The following UVSSA variants were observed in gnomAD, a reference collection of about 807,000 sequenced individuals.
UVSSA encodes UV-stimulated scaffold protein A.
A neutral mutation model predicts 73.9 loss-of-function variants in UVSSA; 72 were observed. That is an observed-to-expected ratio of 0.97 (90% CI 0.81 to 1.19). The LOEUF (loss-of-function observed/expected upper bound fraction) is 1.19. Among genes scored for constraint, UVSSA ranks in the 50% most tolerant of loss-of-function variants. UVSSA has a pLI of 0.00. For missense variants in UVSSA, 1,150 were observed against 965.0 expected, an observed-to-expected ratio of 1.19 and a Z score of -2.54; for synonymous variants, 454 against 391.3, an observed-to-expected ratio of 1.16 and a Z score of -1.89.
At chr4:1,395,262 C>T in exon 14 of UVSSA, 1 of 1,518,352 alleles carries the variant, frequency 6.6e-7, no homozygotes, top group Non-Finnish European at 8.8e-7. Context: ...GAGTGCCCGC[C>T]TGCTCACGTG....
Position 1,387,070 on chromosome 4 carries a change from AC to A in UVSSA, c.*1110del, listed in dbSNP as rs908134314. On this transcript the variant is annotated 3_prime_UTR_variant, in exon 14 of 14. Transcript: ENST00000389851. ...CTAGATCCTCATGTGATTTGCAAAA[AC>A]TTTATTTATTTATTTATTTATTTTT... 1 of 150,688 alleles carries A rather than the reference AC, an allele frequency of 6.6e-6. No individual in the cohort carries two copies. Among genetic ancestry groups the A allele is most frequent in the African/African-American group, 2.4e-5 (1 of 40,864 alleles). 9.3% of individuals were successfully genotyped at this position (150,688 alleles called of 1,614,324 possible). A position where few individuals can be genotyped will look rare whatever the true frequency, so the allele number is the denominator to read the frequency against.
chr4:1,372,789 G>T (rs1311668496), intron 8 of UVSSA, among the ~76,000 whole-genome samples: 42 of 61,816 alleles, frequency 6.8e-4, no homozygotes, highest in Middle Eastern at 7.7e-3. Context: ...CACCTCCCGC[G>T]TCCCTGCACT....
At chr4:1,356,530 A>G (rs1423433667) in intron 7 of UVSSA, 1 of 152,234 alleles carries the variant, frequency 6.6e-6, no homozygotes, top group African/African-American at 2.4e-5. Context: ...ACAAGGAAAT[A>G]CTTCTGTGAG....
downstream of UVSSA, chr4:1,388,086 A>T (rs1455142620): frequency 6.6e-6 from 1 of 152,100 alleles, no homozygotes; most frequent in Non-Finnish European, 1.5e-5. Flanking sequence ...GGGTCTTTTT[A>T]AATTTATTTC....
intron 10 of UVSSA, among the ~76,000 whole-genome samples, chr4:1,379,002 G>A (rs1166488672): frequency 6.6e-6 from 1 of 151,380 alleles, no homozygotes; most frequent in Non-Finnish European, 1.5e-5. Flanking sequence ...CCAGGGCAGG[G>A]CCTACTGCTG....
At position 1,353,346 on chromosome 4, in the gene UVSSA, CGAG is replaced by C. The variant is rs1560429631; in HGVS notation, c.871_873del (p.Glu291del). On this transcript the variant is annotated inframe_deletion, in exon 5 of 14. Coordinates refer to ENST00000389851, the MANE Select transcript of UVSSA (RefSeq NM_020894.4). The stretch of plus-strand genomic sequence containing the variant: ...CAGATGAGGACGAGGACAGCGACCT[CGAG>C]GAGTTTGTGCGGAGCCACGGGCTGG... The C allele has an allele frequency of 1.9e-6, 3 of 1,610,448 alleles. No homozygotes were observed. The highest frequency in any genetic ancestry group is 2.2e-5 in the East Asian group (1 of 44,790).
intron 8 of UVSSA, among the ~76,000 whole-genome samples, chr4:1,370,451 G>C (rs568315237): frequency 5.3e-5 from 8 of 152,372 alleles, no homozygotes; most frequent in African/African-American, 1.7e-4. Context: ...CCCATCACCT[G>C]CTCTGTGTGG....
intron 8 of UVSSA, among the ~76,000 whole-genome samples, chr4:1,372,955 T>G (rs953798417): frequency 1.3e-5 from 2 of 151,110 alleles, no homozygotes; most frequent in Non-Finnish European, 2.9e-5. Context: ...CTGGCTTTTC[T>G]TTGTGACTAC....
At position 1,355,205 on chromosome 4, in the gene UVSSA, A is replaced by G; in HGVS notation, c.1136A>G (p.Lys379Arg). 6.2e-7 allele frequency: 1 copy of G among 1,613,126 alleles called. No individual in the cohort carries two copies. Among genetic ancestry groups the G allele is most frequent in the Admixed American group, 1.7e-5 (1 of 59,950 alleles). The change falls in exon 7 of 14, where the codon AAG (lysine) becomes AGG (arginine). Residue 379 changes from lysine (K) to arginine (R), a missense_variant. Lys to Arg is a conservative substitution (Grantham distance 26, BLOSUM62 2). Coordinates refer to ENST00000389851, the MANE Select transcript of UVSSA (RefSeq NM_020894.4). ...TTGGAGCTCGTACTGAGAAAATACA[A>G]GGAGCTGGACATCGAGCCTGAGGGA... ...AELELVLRKYKELDIEPEGGE... is the reference protein window; with the variant it reads ...AELELVLRKYRELDIEPEGGE...
chr4:1,383,902 T>TA lies in UVSSA; in HGVS notation c.1999dup (p.Thr667AsnfsTer39), dbSNP rs1719800144. On this transcript the variant is annotated frameshift_variant, in exon 13 of 14. Transcript: ENST00000389851. LOFTEE classifies it high-confidence loss of function. ...TCACCAACCTGAAGGCTCAGGCTGA[T>TA]ACCGCCCGCGCTCGCATTGGGAGAA... 1 of 1,613,200 alleles carries TA rather than the reference T, an allele frequency of 6.2e-7. No individual in the cohort carries two copies.
chr4:1,350,890 A>C (rs1246972169), intron 3 of UVSSA, among the ~76,000 whole-genome samples: 1 of 151,798 alleles, frequency 6.6e-6, no homozygotes, highest in African/African-American at 2.4e-5. Flanking sequence ...AGATAGCTCT[A>C]GTTTTTGTTG....
rs750601721 is a variant in UVSSA, at chr4:1,348,095, G to T, written c.4G>T (p.Asp2Tyr). The change falls in exon 2 of 14, where the codon GAT (aspartate) becomes TAT (tyrosine). Residue 2 changes from aspartate (D) to tyrosine (Y), a missense_variant. Asp to Tyr is a radical substitution (Grantham distance 160). Coordinates refer to ENST00000389851, the MANE Select transcript of UVSSA (RefSeq NM_020894.4). ...TCTGCCTTACTTATTTCTAGATATG[G>T]ATCAGAAACTTTCGAAGTTGGTAGA... M[D>Y]QKLSKLVEEL... 2 of 1,612,438 alleles carry T rather than the reference G, an allele frequency of 1.2e-6. No homozygotes were observed. Among genetic ancestry groups the T allele is most frequent in the Non-Finnish European group, 1.7e-6 (2 of 1,178,796 alleles).
chr4:1,378,656 G>A (rs933443745), intron 10 of UVSSA, among the ~76,000 whole-genome samples: 4 of 152,180 alleles, frequency 2.6e-5, no homozygotes, highest in South Asian at 2.1e-4. Context: ...GCTGTGCGCC[G>A]GCTCCTGAGT....
chr4:1,368,336 C>T (rs1334218946), intron 8 of UVSSA, among the ~76,000 whole-genome samples: 4 of 152,236 alleles, frequency 2.6e-5, no homozygotes, highest in Admixed American at 6.5e-5. Flanking sequence ...AGCAGAAATC[C>T]ACACTTTCCC....
intron 5 of UVSSA, 51 bp downstream of exon 5, chr4:1,353,464 G>A (rs373076268): frequency 1.4e-6 from 2 of 1,437,658 alleles, no homozygotes; most frequent in Non-Finnish European, 1.8e-6. Context: ...CGGCTCCCGG[G>A]TAGGCTCCTC....
chr4:1,349,407 A>G (rs1714306690), intron 2 of UVSSA, 117 bp from the exon 3 acceptor site: 2 of 960,804 alleles, frequency 2.1e-6, no homozygotes, highest in South Asian at 3.4e-5. Context: ...GAGAATGAAG[A>G]TGGGAAGGCA....
chr4:1,395,563 C>G (rs1159751525), exon 14 of UVSSA: 2 of 1,599,532 alleles, frequency 1.3e-6, no homozygotes, highest in African/African-American at 2.8e-5. Flanking sequence ...ATGTGGAGTG[C>G]CCGCCTGCTC....
At chr4:1,350,250 C>T (rs1200692954) in intron 3 of UVSSA, among the ~76,000 whole-genome samples, 1 of 152,214 alleles carries the variant, frequency 6.6e-6, no homozygotes, top group African/African-American at 2.4e-5. Flanking sequence ...CACCCGCACC[C>T]TACTATGGGC....
chr4:1,386,245 A>G lies in UVSSA; in HGVS notation c.*284A>G, dbSNP rs6838561. 274,863 of 399,484 alleles carry G rather than the reference A, an allele frequency of 0.69. 94,985 individuals carry two copies. The highest frequency in any genetic ancestry group is 0.77 in the Admixed American group (20,753 of 26,850). 24.7% of individuals were successfully genotyped at this position (399,484 alleles called of 1,614,324 possible). ...GAGGGCTTCTGCGAGTCCTCGTGAG[A>G]CCAGTGCTTGTCGTGGTGTGGGGTT... is the stretch of plus-strand genomic sequence containing the variant. On this transcript the variant is annotated 3_prime_UTR_variant, in exon 14 of 14. Transcript: ENST00000389851.
Sources: gnomAD v4.1 joint callset for allele counts (sites outside exome capture counted in the v4.1 genomes callset) on GRCh38, gnomAD v4.1.1 for gene constraint, MANE v1.5 for transcripts, NCBI Gene and HGNC (gene_info 2026-07-23, HGNC 2026-07-21) for gene names.